Variants in DNAH8 observed in about 807,000 individuals in gnomAD.
The protein encoded by DNAH8 is axonemal beta dynein heavy chain 8.
Under a neutral mutation model 562.1 loss-of-function variants are expected in DNAH8, and 382 were observed. The observed-to-expected ratio is 0.68, with a 90% CI of 0.63 to 0.74. DNAH8 has a LOEUF of 0.74. Among genes scored for constraint, DNAH8 ranks in the 30% least tolerant of loss-of-function variants. DNAH8 has a pLI of 0.00. For synonymous variants in DNAH8, 1,881 were observed against 1,919.4 expected, an observed-to-expected ratio of 0.98 and a Z score of 0.52; for missense variants, 5,203 against 5,620.4, an observed-to-expected ratio of 0.93 and a Z score of 2.37.
Position 38,947,596 on chromosome 6 carries a change from G to A in DNAH8, c.12130-1856G>A, listed in dbSNP as rs192361880. On this transcript the variant is annotated intron_variant, in intron 80 of 92. Coordinates refer to ENST00000327475, the MANE Select transcript of DNAH8 (RefSeq NM_001206927.2). ...TGCCTCAGCTGCAGATGTGGAGGAG[G>A]CCTGTGGGGGACACTGTGGGCAGGG... 1.3e-3 allele frequency among the ~76,000 whole-genome samples: 205 copies of A among 152,316 alleles called. 1 individual carries two copies. The highest frequency in any genetic ancestry group is 6.0e-4 in the Non-Finnish European group (41 of 68,024).
Position 39,012,381 on chromosome 6 carries a change from A to T in DNAH8, c.13524+14A>T, listed in dbSNP as rs1766272383. ...ATTATGAGTGAGGTGAGCTGTTATT[A>T]CATCAGTAGGCATTTCCTTCTTTGT... On this transcript the variant is annotated intron_variant, in intron 90 of 92. Coordinates refer to ENST00000327475, the MANE Select transcript of DNAH8 (RefSeq NM_001206927.2). 1 of 1,609,220 alleles carries T rather than the reference A, an allele frequency of 6.2e-7. No individual in the cohort carries two copies. The highest frequency in any genetic ancestry group is 2.2e-5 in the East Asian group (1 of 44,794).
intron 45 of DNAH8, 65 bp downstream of exon 45, chr6:38,864,125 G>A (rs1334689163): frequency 8.8e-6 from 13 of 1,483,822 alleles, no homozygotes; most frequent in Middle Eastern, 2.4e-4. Flanking sequence ...ATAAAACAAA[G>A]CATGTGTTAA....
At chr6:38,920,383 A>G (rs981553987) in intron 70 of DNAH8, among the ~76,000 whole-genome samples, 1 of 152,242 alleles carries the variant, frequency 6.6e-6, no homozygotes, top group African/African-American at 2.4e-5. Flanking sequence ...GAGAATGAAA[A>G]TAAGAAAGGG....
chr6:38,918,251 C>G, intron 70 of DNAH8, 111 bp downstream of exon 70: 1 of 714,184 alleles, frequency 1.4e-6, no homozygotes, highest in Non-Finnish European at 2.2e-6. Context: ...GTAGATGTCC[C>G]TGTTACCAAA....
At chr6:38,997,377 G>A (rs1765202277) in intron 88 of DNAH8, among the ~76,000 whole-genome samples, 4 of 152,162 alleles carry the variant, frequency 2.6e-5, no homozygotes, top group Admixed American at 2.0e-4. Flanking sequence ...TCCTCACCCA[G>A]CTCCAGCAAG....
At chr6:38,819,360 G>C (rs528868731) in intron 26 of DNAH8, among the ~76,000 whole-genome samples, 1 of 152,142 alleles carries the variant, frequency 6.6e-6, no homozygotes, top group Non-Finnish European at 1.5e-5. Context: ...TAATCTATTG[G>C]TAACATTCTA....
chr6:38,760,968 C>G (rs1766436832), intron 10 of DNAH8, among the ~76,000 whole-genome samples: 1 of 152,022 alleles, frequency 6.6e-6, no homozygotes, highest in Admixed American at 6.6e-5. Context: ...AACACACCTA[C>G]CCATTCAATT....
chr6:38,928,268 C>T (rs1782265636), intron 74 of DNAH8: 1 of 152,178 alleles, frequency 6.6e-6, no homozygotes, highest in Non-Finnish European at 1.5e-5. Context: ...AATACTATTT[C>T]AAGTTTCTAA....
At chr6:38,853,847 G>A (rs1013960522) in intron 41 of DNAH8, among the ~76,000 whole-genome samples, 6 of 152,136 alleles carry the variant, frequency 3.9e-5, no homozygotes, top group Non-Finnish European at 8.8e-5. Context: ...TTATAATAAA[G>A]TGTTGATTGT....
At position 38,826,153 on chromosome 6, in the gene DNAH8, C is replaced by T. The variant is rs1053217536; in HGVS notation, c.3848-3C>T. 12 of 1,584,008 alleles carry T rather than the reference C, an allele frequency of 7.6e-6. No homozygotes were observed. The African/African-American group carries it at 1.5e-4, about 20-fold the overall frequency. On this transcript the variant is annotated splice_polypyrimidine_tract_variant and splice_region_variant and intron_variant, in intron 28 of 92. Coordinates refer to ENST00000327475, the MANE Select transcript of DNAH8 (RefSeq NM_001206927.2). ...TAATTTAATTTCTTCTTGTCTTCAT[C>T]AGAGCCGATGAAATTGGCCTTATCC...
chr6:39,006,146 A>T (rs1765785630), intron 88 of DNAH8, among the ~76,000 whole-genome samples: 1 of 152,264 alleles, frequency 6.6e-6, no homozygotes, highest in Non-Finnish European at 1.5e-5. Context: ...AAAGGAACCC[A>T]GCCTTGCTGA....
At chr6:38,779,745 T>G (rs1371828685) in intron 14 of DNAH8, among the ~76,000 whole-genome samples, 2 of 152,222 alleles carry the variant, frequency 1.3e-5, no homozygotes, top group Non-Finnish European at 2.9e-5. Flanking sequence ...AATAATTATT[T>G]TTGTTACTCT....
chr6:38,939,070 G>T, intron 79 of DNAH8, 82 bp downstream of exon 79: 1 of 1,059,628 alleles, frequency 9.4e-7, no homozygotes, highest in Non-Finnish European at 1.3e-6. Flanking sequence ...ACCCATTTCT[G>T]TGATACAGTA....
chr6:38,789,683 C>G, intron 18 of DNAH8, 120 bp from the exon 19 acceptor site: 1 of 642,138 alleles, frequency 1.6e-6, no homozygotes, highest in Non-Finnish European at 2.7e-6. Flanking sequence ...AAATGGGCAG[C>G]TGTCATGATG....
chr6:38,784,128 G>A (rs562949063), intron 17 of DNAH8, among the ~76,000 whole-genome samples: 1 of 152,288 alleles, frequency 6.6e-6, no homozygotes, highest in African/African-American at 2.4e-5. Flanking sequence ...AACAGGAACC[G>A]TAGGTAAGCC....
chr6:38,794,555 A>T (rs551531253), intron 21 of DNAH8, among the ~76,000 whole-genome samples: 2 of 152,200 alleles, frequency 1.3e-5, no homozygotes, highest in African/African-American at 4.8e-5. Context: ...TACTCCAGCC[A>T]GTTACACTTC....
At chr6:38,944,956 C>G (rs953599712) in intron 79 of DNAH8, among the ~76,000 whole-genome samples, 1 of 151,670 alleles carries the variant, frequency 6.6e-6, no homozygotes, top group Non-Finnish European at 1.5e-5. Context: ...TTCCTTAACC[C>G]TAACCCCAAC....
At chr6:38,749,786 T>A (rs1765270933) in intron 8 of DNAH8, among the ~76,000 whole-genome samples, 1 of 152,224 alleles carries the variant, frequency 6.6e-6, no homozygotes. Flanking sequence ...GATTTCAGAT[T>A]GACTTCACTT....
chr6:38,823,173 C>A, intron 27 of DNAH8, 139 bp downstream of exon 27: 1 of 685,766 alleles, frequency 1.5e-6, no homozygotes, highest in Non-Finnish European at 2.3e-6. Flanking sequence ...CACCTGTCAC[C>A]TTCTAGCTGG....
Sources: allele counts gnomAD v4.1 joint callset (sites outside exome capture counted in the v4.1 genomes callset), GRCh38; gene constraint gnomAD v4.1.1; transcripts MANE v1.5; gene names NCBI Gene and HGNC (gene_info 2026-07-23, HGNC 2026-07-21).